The following PRKCE variants were observed in gnomAD, a reference collection of about 807,000 sequenced individuals.
PRKCE encodes protein kinase C epsilon type.
PRKCE carries 16 observed loss-of-function variants against 85.4 expected under a neutral mutation model. The ratio of observed to expected loss-of-function variants is 0.19; its 90% confidence interval spans 0.13 to 0.28. The LOEUF (loss-of-function observed/expected upper bound fraction) is 0.28. Among genes scored for constraint, PRKCE ranks in the 10% least tolerant of loss-of-function variants. The pLI is 1.00. For synonymous variants in PRKCE, 388 were observed against 371.5 expected (o/e 1.04, Z -0.51); for missense variants, 573 against 975.2 (o/e 0.59, Z 5.49).
chr2:45,984,409 G>A, intron 5 of PRKCE, 142 bp from the exon 6 acceptor site: 1 of 1,179,730 alleles, frequency 8.5e-7, no homozygotes, highest in Non-Finnish European at 1.2e-6. Context: ...TTCACCTCAG[G>A]GCAGCTTTTA....
chr2:46,142,137 T>C (rs1332083360), intron 11 of PRKCE, among the ~76,000 whole-genome samples: 2 of 152,084 alleles, frequency 1.3e-5, no homozygotes, highest in African/African-American at 2.4e-5. Context: ...TAGCTCTTTC[T>C]CTTCCTACCA....
At chr2:45,682,148 G>A (rs868417756) in intron 1 of PRKCE, among the ~76,000 whole-genome samples, 2 of 152,108 alleles carry the variant, frequency 1.3e-5, no homozygotes, top group Admixed American at 6.5e-5. Context: ...AGACATCTCT[G>A]ACATACAAAC....
In PRKCE at chr2:45,976,431, C is replaced by T; in HGVS notation, c.415C>T (p.Pro139Ser). ...IDLSGSSGEAPKDNEERVFRE... is the reference protein window; with the variant it reads ...IDLSGSSGEASKDNEERVFRE... The stretch of plus-strand genomic sequence containing the variant: ...TCCCTGCTCTTGTCCTTCCCCAGCC[C>T]CTAAAGACAATGAAGAGCGTGTGTT... The change falls in exon 3 of 15, where the codon CCT becomes TCT. Residue 139 changes from proline to serine, a missense_variant and splice_region_variant. Around this residue, in one of 11 missense-constraint regions of PRKCE, gnomAD observed 33 missense variants for 33.7 expected, o/e 0.98. Coordinates refer to ENST00000306156, the MANE Select transcript of PRKCE (RefSeq NM_005400.3). 1 of 1,599,626 alleles carries T rather than the reference C, an allele frequency of 6.3e-7. No homozygotes were observed. Among genetic ancestry groups the T allele is most frequent in the Non-Finnish European group, 8.5e-7 (1 of 1,179,854 alleles).
intron 14 of PRKCE, among the ~76,000 whole-genome samples, chr2:46,160,970 A>G (rs189431106): frequency 6.6e-6 from 1 of 152,214 alleles, no homozygotes; most frequent in Admixed American, 6.5e-5. Flanking sequence ...ACCACTCCTC[A>G]TTCGCTTCCT....
intron 14 of PRKCE, among the ~76,000 whole-genome samples, chr2:46,170,984 C>T (rs746210277): frequency 6.6e-6 from 1 of 152,198 alleles, no homozygotes; most frequent in Non-Finnish European, 1.5e-5. Context: ...CAGCTGTCAG[C>T]AATAAGACGG....
chr2:45,889,556 C>T (rs886377921), intron 2 of PRKCE, among the ~76,000 whole-genome samples: 5 of 120,972 alleles, frequency 4.1e-5, no homozygotes, highest in Non-Finnish European at 6.5e-5. Context: ...AAATGCAGTA[C>T]TGGCTGTTGG....
intron 2 of PRKCE, among the ~76,000 whole-genome samples, chr2:45,855,304 A>G (rs1462884972): frequency 6.6e-6 from 1 of 152,232 alleles, no homozygotes; most frequent in Non-Finnish European, 1.5e-5. Flanking sequence ...TATGAAATAA[A>G]GGAAAAGGGA....
At chr2:46,181,816 G>A (rs1680003360) in intron 14 of PRKCE, among the ~76,000 whole-genome samples, 1 of 152,182 alleles carries the variant, frequency 6.6e-6, no homozygotes, top group African/African-American at 2.4e-5. Flanking sequence ...AGCTGGGGAT[G>A]ATTCTGAAAC....
At chr2:45,788,203 C>T (rs1430791100) in intron 1 of PRKCE, among the ~76,000 whole-genome samples, 1 of 152,170 alleles carries the variant, frequency 6.6e-6, no homozygotes. Flanking sequence ...TTCCAAATAG[C>T]TAAAGGCGTA....
intron 14 of PRKCE, among the ~76,000 whole-genome samples, chr2:46,161,466 G>A (rs1677751509): frequency 6.6e-6 from 1 of 152,214 alleles, no homozygotes; most frequent in African/African-American, 2.4e-5. Context: ...AGGGCTACAA[G>A]ATGACTTAAA....
rs112224754 is a variant in PRKCE at position 45,938,696 on chromosome 2, A to G, written c.413-37733A>G. On this transcript the variant is annotated intron_variant, in intron 2 of 14. Transcript: ENST00000306156. Reference sequence around the variant, plus strand: ...TGTTTGACCATAAACTCATGGTATCATGCCTTATTCAGCAACTCTTAGAAC... The same window carrying G: ...TGTTTGACCATAAACTCATGGTATCGTGCCTTATTCAGCAACTCTTAGAAC... Among the ~76,000 whole-genome samples the G allele has an allele frequency of 4.1e-3, 627 of 151,866 alleles. 7 individuals are homozygous for G. The highest frequency in any genetic ancestry group is 0.014 in the African/African-American group (587 of 41,398).
intron 14 of PRKCE, among the ~76,000 whole-genome samples, chr2:46,173,523 C>G (rs1039694681): frequency 6.6e-6 from 1 of 152,192 alleles, no homozygotes; most frequent in African/African-American, 2.4e-5. Context: ...CTCACTTTAC[C>G]AATAGCAGAC....
At chr2:45,930,332 TGAA>T (rs1474105032) in intron 2 of PRKCE, among the ~76,000 whole-genome samples, 1 of 152,208 alleles carries the variant, frequency 6.6e-6, no homozygotes, top group African/African-American at 2.4e-5. Flanking sequence ...AGTTTAAAAA[TGAA>T]GAAGGCCTAG....
rs1675138885 is a variant in PRKCE, at chr2:45,651,831, T to A, written c.-270T>A. On this transcript the variant is annotated 5_prime_UTR_variant, in exon 1 of 15. Transcript: ENST00000306156. Reference sequence around the variant, plus strand: ...TCGTCTTCTCTTCTGGAGGTGCAGCTGGTGGTCGGGGGGAGAGACTTGCTC... The same window carrying A: ...TCGTCTTCTCTTCTGGAGGTGCAGCAGGTGGTCGGGGGGAGAGACTTGCTC... The A allele has an allele frequency of 3.0e-6, 1 of 338,892 alleles. No homozygotes were observed. Among genetic ancestry groups the A allele is most frequent in the Non-Finnish European group, 5.4e-6 (1 of 184,644 alleles). The allele number at this position is 338,892 out of a possible 1,614,324, so 21.0% of individuals were successfully genotyped here. A position where few individuals can be genotyped will look rare whatever the true frequency, so the allele number is the denominator to read the frequency against.
intron 1 of PRKCE, among the ~76,000 whole-genome samples, chr2:45,755,552 C>T (rs192252770): frequency 9.2e-5 from 14 of 152,306 alleles, no homozygotes; most frequent in Admixed American, 3.9e-4. Context: ...TGGCAAATGC[C>T]AAACCTCCAC....
chr2:45,734,269 G>A (rs1681849664), intron 1 of PRKCE, among the ~76,000 whole-genome samples: 2 of 151,966 alleles, frequency 1.3e-5, no homozygotes, highest in South Asian at 4.2e-4. Flanking sequence ...GGAGGCTGAG[G>A]CAGGAGAATC....
intron 1 of PRKCE, among the ~76,000 whole-genome samples, chr2:45,715,209 G>A (rs1034611913): frequency 6.6e-6 from 1 of 152,266 alleles, no homozygotes; most frequent in African/African-American, 2.4e-5. Flanking sequence ...GCAGGAAGCA[G>A]AGGAGTGCCC....
At chr2:45,725,639 T>C (rs1680998523) in intron 1 of PRKCE, among the ~76,000 whole-genome samples, 1 of 152,092 alleles carries the variant, frequency 6.6e-6, no homozygotes, top group African/African-American at 2.4e-5. Flanking sequence ...GAGACCATCC[T>C]GGCCAACATG....
chr2:46,010,430 G>C lies in PRKCE; in HGVS notation c.1350G>C (p.Val450=). Residue 450 remains valine (V), a synonymous_variant, in exon 10 of 15, where the codon GTG becomes GTC. Transcript: ENST00000306156. The part of the protein sequence containing the change: ...KKDVILQDDD[V]DCTMTEKRIL... ...ACGTCATCCTTCAGGATGATGACGT[G>C]GACTGCACAATGACAGAGAAGAGGA... 2.5e-6 allele frequency: 4 copies of C among 1,599,624 alleles called. No homozygotes were observed. Among genetic ancestry groups the C allele is most frequent in the Non-Finnish European group, 3.4e-6 (4 of 1,179,906 alleles).
Sources: gnomAD v4.1 joint callset for allele counts (sites outside exome capture counted in the v4.1 genomes callset) on GRCh38, gnomAD v4.1.1 for gene constraint, gnomAD v4.1.1 regional missense constraint, MANE v1.5 for transcripts, NCBI Gene and HGNC (gene_info 2026-07-23, HGNC 2026-07-21) for gene names.